TRDN: variants seen among roughly 807,000 people sequenced by gnomAD.
TRDN encodes triadin in skeletal muscle.
A neutral mutation model predicts 149.7 loss-of-function variants in TRDN; 161 were observed. The ratio of observed to expected loss-of-function variants is 1.08; its 90% CI spans 0.95 to 1.23. TRDN has a LOEUF of 1.23. Ranked by LOEUF, TRDN falls within the 50% of genes most tolerant of loss-of-function variation. The pLI, the probability that TRDN is intolerant of heterozygous loss-of-function variation, is 0.00. For missense variants in TRDN, 896 were observed against 823.5 expected (o/e 1.09, Z -1.08); for synonymous variants, 294 against 250.5 (o/e 1.17, Z -1.64).
At chr6:123,243,835 A>T (rs1158463369) in intron 38 of TRDN, among the ~76,000 whole-genome samples, 1 of 152,176 alleles carries the variant, frequency 6.6e-6, no homozygotes, top group Non-Finnish European at 1.5e-5. Context: ...GAATATTGAA[A>T]TTATCAATGT....
chr6:123,260,505 A>G, intron 34 of TRDN, 107 bp downstream of exon 34: 1 of 1,225,546 alleles, frequency 8.2e-7, no homozygotes, highest in Non-Finnish European at 1.1e-6. Flanking sequence ...GAATATCTGG[A>G]ATTTGAGCAG....
At chr6:123,474,968 A>C (rs1329137912) in intron 9 of TRDN, among the ~76,000 whole-genome samples, 2 of 152,206 alleles carry the variant, frequency 1.3e-5, no homozygotes, top group African/African-American at 4.8e-5. Flanking sequence ...AAGATCCAAA[A>C]TTGACACCCT....
At chr6:123,577,155 T>A (rs775421787) in intron 1 of TRDN, among the ~76,000 whole-genome samples, 3 of 152,082 alleles carry the variant, frequency 2.0e-5, no homozygotes, top group Non-Finnish European at 4.4e-5. Context: ...AAACATTTAT[T>A]TCTTACAGTT....
At chr6:123,566,991 TTAAAA>T (rs1354290203) in intron 2 of TRDN, among the ~76,000 whole-genome samples, 1 of 152,200 alleles carries the variant, frequency 6.6e-6, no homozygotes, top group East Asian at 1.9e-4. Context: ...ATTAGATTAC[TTAAAA>T]TAAGGCATAC....
intron 12 of TRDN, among the ~76,000 whole-genome samples, chr6:123,431,269 A>C (rs564324098): frequency 6.6e-6 from 1 of 152,294 alleles, no homozygotes; most frequent in Non-Finnish European, 1.5e-5. Flanking sequence ...GGAAATACTG[A>C]TTAAACCAGG....
At chr6:123,264,181 G>T (rs1484120216) in intron 33 of TRDN, among the ~76,000 whole-genome samples, 1 of 152,074 alleles carries the variant, frequency 6.6e-6, no homozygotes, top group African/African-American at 2.4e-5. Context: ...TCATCTGATA[G>T]ATCCGTGCAA....
intron 1 of TRDN, among the ~76,000 whole-genome samples, chr6:123,620,422 G>A (rs1235291665): frequency 2.6e-5 from 4 of 152,042 alleles, no homozygotes; most frequent in Admixed American, 2.6e-4. Flanking sequence ...AACTTATTCG[G>A]AATTTTCTCA....
chr6:123,321,044 G>A (rs951750384), intron 23 of TRDN, among the ~76,000 whole-genome samples: 10 of 152,094 alleles, frequency 6.6e-5, no homozygotes, highest in Non-Finnish European at 1.5e-4. Flanking sequence ...AACATTAGCA[G>A]TGTTATCTCT....
At chr6:123,225,896 T>G (rs1235792144) in intron 38 of TRDN, among the ~76,000 whole-genome samples, 1 of 151,754 alleles carries the variant, frequency 6.6e-6, no homozygotes, top group African/African-American at 2.4e-5. Context: ...ATTTTTAACA[T>G]TTGAAATTAT....
chr6:123,381,450 C>T, intron 15 of TRDN, 60 bp from the exon 16 acceptor site: 4 of 1,461,968 alleles, frequency 2.7e-6, no homozygotes, highest in Non-Finnish European at 3.7e-6. Context: ...ACGTACTACC[C>T]TACATATTGA....
In TRDN at chr6:123,575,067, G is replaced by C. The variant is rs1357853175; in HGVS notation, c.23-3935C>G. 2.0e-5 allele frequency among the ~76,000 whole-genome samples: 3 copies of C among 151,274 alleles called. No homozygotes were observed. In the Admixed American group the frequency reaches 2.0e-4, roughly 10 times the overall value. On this transcript the variant is annotated intron_variant, in intron 1 of 40. Transcript: ENST00000334268. ...CCAATTATGGTACAATTTTTAAATAGATGAAAATGATAAATTAATACTGTT... is the reference window on the plus strand; with the variant it reads ...CCAATTATGGTACAATTTTTAAATACATGAAAATGATAAATTAATACTGTT...
intron 1 of TRDN, among the ~76,000 whole-genome samples, chr6:123,634,623 T>C (rs1786196448): frequency 6.6e-6 from 1 of 151,874 alleles, no homozygotes; most frequent in South Asian, 2.1e-4. Flanking sequence ...AAAGATAACA[T>C]GAAACTGTGT....
In TRDN at chr6:123,260,621, TG is replaced by T. The variant is rs1217358790; in HGVS notation, c.1821del (p.Thr608GlnfsTer21). 2 of 1,428,474 alleles carry T rather than the reference TG, an allele frequency of 1.4e-6. No individual in the cohort carries two copies. The highest frequency in any genetic ancestry group is 1.8e-6 in the Non-Finnish European group (2 of 1,084,912). 88.5% of individuals were successfully genotyped at this position (1,428,474 alleles called of 1,614,324 possible). On this transcript the variant is annotated frameshift_variant, in exon 34 of 41. Coordinates refer to ENST00000334268, the MANE Select transcript of TRDN (RefSeq NM_006073.4). LOFTEE classifies it high-confidence loss of function. The stretch of plus-strand genomic sequence containing the variant: ...AAAAGTAAATATTTACCTGATTCTG[TG>T]ACTTCTGATGTTCCTTCTTTAGAAA... Reference protein sequence around the residue: ...PKPTPKGTSEVTESGKKKTEI... With the variant: ...PKPTPKGTSEXTESGKKKTEI...
At chr6:123,377,022 G>A (rs1326748802) in intron 18 of TRDN, among the ~76,000 whole-genome samples, 1 of 152,090 alleles carries the variant, frequency 6.6e-6, no homozygotes, top group Non-Finnish European at 1.5e-5. Context: ...ATGATTAATT[G>A]GGCAGGTTAA....
intron 10 of TRDN, 42 bp from the exon 11 acceptor site, chr6:123,439,045 T>C: frequency 1.3e-6 from 2 of 1,485,210 alleles, no homozygotes; most frequent in South Asian, 1.3e-5. Context: ...GGAAATTTAG[T>C]ATGAAAGCAA....
intron 10 of TRDN, among the ~76,000 whole-genome samples, chr6:123,452,719 A>T (rs1049489909): frequency 6.6e-6 from 1 of 152,082 alleles, no homozygotes; most frequent in Non-Finnish European, 1.5e-5. Context: ...ACAAAATACC[A>T]CCGTAATTCT....
intron 10 of TRDN, chr6:123,462,957 A>T (rs1224504410): frequency 6.6e-6 from 1 of 152,198 alleles, no homozygotes; most frequent in African/African-American, 2.4e-5. Context: ...TTCAGAGAAG[A>T]CACTGACAAA....
At chr6:123,274,068 G>C (rs925775920) in intron 27 of TRDN, among the ~76,000 whole-genome samples, 1 of 152,014 alleles carries the variant, frequency 6.6e-6, no homozygotes, top group Non-Finnish European at 1.5e-5. Context: ...GAAAATCCTG[G>C]AATAATAACT....
rs193248045 is a variant in TRDN, at chr6:123,330,396, T to G, written c.1471+1483A>C. ...TTTTTCTTACCTTTCTCAATTAATT[T>G]AAACTTTGAATACTAAAATGTAGCA... is the stretch of plus-strand genomic sequence containing the variant. On this transcript the variant is annotated intron_variant, in intron 23 of 40. Transcript: ENST00000334268. 3.8e-4 allele frequency among the ~76,000 whole-genome samples: 58 copies of G among 152,106 alleles called. No homozygotes were observed. The East Asian group carries it at 0.01, about 26-fold the overall frequency.
Sources: allele counts gnomAD v4.1 joint callset (sites outside exome capture counted in the v4.1 genomes callset), GRCh38; gene constraint gnomAD v4.1.1; transcripts MANE v1.5; gene names NCBI Gene and HGNC (gene_info 2026-07-23, HGNC 2026-07-21).